Variants in RCAN2 observed in about 807,000 individuals in gnomAD.
The protein encoded by RCAN2 is regulator of calcineurin 2, also known as calcipressin-2.
A neutral mutation model predicts 23.6 loss-of-function variants in RCAN2; 9 were observed. The observed-to-expected ratio is 0.38, with a 90% CI of 0.23 to 0.67. RCAN2 has a LOEUF of 0.67. Among genes scored for constraint, RCAN2 ranks in the 30% least tolerant of loss-of-function variants. The pLI is 0.51. For missense variants in RCAN2, 273 were observed against 302.3 expected, an observed-to-expected ratio of 0.90 and a Z score of 0.72; for synonymous variants, 109 against 115.7, an observed-to-expected ratio of 0.94 and a Z score of 0.37.
rs567393077 is a variant in RCAN2 at position 46,486,236 on chromosome 6, G to T, written c.-3+4937C>A. On this transcript the variant is annotated intron_variant, in intron 1 of 4. Coordinates refer to ENST00000371374, the MANE Select transcript of RCAN2 (RefSeq NM_001251974.2). ...TGGCTTATTCCCCCTGATCCTCAGG[G>T]TGTGCTTTTCTGTAAATAGTGATGA... Among the ~76,000 whole-genome samples the T allele has an allele frequency of 9.2e-4, 140 of 152,308 alleles. 4 individuals carry two copies. The South Asian group carries it at 0.025, about 28-fold the overall frequency.
chr6:46,278,382 C>T (rs956082058), intron 2 of RCAN2, among the ~76,000 whole-genome samples: 1 of 152,082 alleles, frequency 6.6e-6, no homozygotes, highest in East Asian at 1.9e-4. Flanking sequence ...ATCCTTTACA[C>T]ACACACACAC....
chr6:46,249,608 C>T (rs1373492425), intron 2 of RCAN2, among the ~76,000 whole-genome samples: 28 of 152,122 alleles, frequency 1.8e-4, no homozygotes, highest in Non-Finnish European at 7.3e-5. Context: ...GCATGAGCCA[C>T]CATGCCAGGC....
chr6:46,435,165 T>A (rs1303099393), intron 2 of RCAN2, among the ~76,000 whole-genome samples: 3 of 152,238 alleles, frequency 2.0e-5, no homozygotes, highest in Admixed American at 6.5e-5. Context: ...AAGGTTACCA[T>A]GTATGCTATT....
At chr6:46,264,151 C>T (rs1341300960) in intron 2 of RCAN2, among the ~76,000 whole-genome samples, 1 of 152,120 alleles carries the variant, frequency 6.6e-6, no homozygotes, top group Non-Finnish European at 1.5e-5. Flanking sequence ...GAGGTGGAGG[C>T]TCTGTTTTAA....
chr6:46,311,061 C>A (rs1561853245), intron 2 of RCAN2, among the ~76,000 whole-genome samples: 1 of 152,140 alleles, frequency 6.6e-6, no homozygotes, highest in Non-Finnish European at 1.5e-5. Context: ...AGTTACAACA[C>A]CCTGAAGAGT....
intron 2 of RCAN2, among the ~76,000 whole-genome samples, chr6:46,263,955 C>T (rs1008695082): frequency 2.0e-5 from 3 of 152,200 alleles, no homozygotes; most frequent in African/African-American, 7.2e-5. Context: ...AGATGCTTCA[C>T]TGAATACATT....
intron 4 of RCAN2, among the ~76,000 whole-genome samples, chr6:46,246,187 G>C (rs567490088): frequency 6.6e-6 from 1 of 152,166 alleles, no homozygotes; most frequent in Non-Finnish European, 1.5e-5. Flanking sequence ...GCTATACTGC[G>C]TGAGAATGAG....
intron 4 of RCAN2, among the ~76,000 whole-genome samples, chr6:46,242,185 T>G (rs1766330024): frequency 6.6e-6 from 1 of 152,232 alleles, no homozygotes; most frequent in Non-Finnish European, 1.5e-5. Context: ...CCATTATAAC[T>G]GCACTGCTTT....
At chr6:46,458,896 C>CGCGCGCGCGCGCGT (rs57335093) in intron 1 of RCAN2, among the ~76,000 whole-genome samples, 17 of 150,036 alleles carry the variant, frequency 1.1e-4, no homozygotes, top group African/African-American at 4.0e-4. Flanking sequence ...CGCGCGCGCA[C>CGCGCGCGCGCGCGT]GTGTGTGTGT....
At chr6:46,247,723 A>G (rs1321500736) in intron 3 of RCAN2, among the ~76,000 whole-genome samples, 1 of 152,244 alleles carries the variant, frequency 6.6e-6, no homozygotes, top group East Asian at 1.9e-4. Context: ...TCATATGGAC[A>G]TACTATAATT....
intron 2 of RCAN2, among the ~76,000 whole-genome samples, chr6:46,284,350 T>G (rs1254068884): frequency 6.6e-6 from 1 of 152,120 alleles, no homozygotes; most frequent in Admixed American, 6.6e-5. Context: ...GCAAAGCTGG[T>G]GAATGATCCA....
At chr6:46,236,527 A>G (rs1435649502) in intron 4 of RCAN2, among the ~76,000 whole-genome samples, 1 of 151,906 alleles carries the variant, frequency 6.6e-6, no homozygotes, top group African/African-American at 2.4e-5. Flanking sequence ...TCCTCTAGCA[A>G]TGTGTTATAT....
At chr6:46,432,163 T>TA (rs1320051436) in intron 2 of RCAN2, among the ~76,000 whole-genome samples, 1 of 152,240 alleles carries the variant, frequency 6.6e-6, no homozygotes, top group Admixed American at 6.5e-5. Flanking sequence ...TTTACCATAA[T>TA]AACTATTTTG....
chr6:46,396,743 GTTTGT>G (rs1766099802), intron 2 of RCAN2, among the ~76,000 whole-genome samples: 1 of 152,016 alleles, frequency 6.6e-6, no homozygotes, highest in Non-Finnish European at 1.5e-5. Flanking sequence ...AAGTTTTTTT[GTTTGT>G]TTTAATGATT....
intron 2 of RCAN2, among the ~76,000 whole-genome samples, chr6:46,392,701 C>T (rs1000342780): frequency 6.6e-6 from 1 of 152,068 alleles, no homozygotes; most frequent in South Asian, 2.1e-4. Flanking sequence ...GATAATAATT[C>T]AATTAAAGGA....
intron 1 of RCAN2, among the ~76,000 whole-genome samples, chr6:46,462,432 C>T (rs529117058): frequency 5.9e-5 from 9 of 152,150 alleles, no homozygotes; most frequent in African/African-American, 1.9e-4. Flanking sequence ...TTCATTTTTT[C>T]GCAAACATGT....
At chr6:46,380,713 C>T (rs1020830972) in intron 2 of RCAN2, among the ~76,000 whole-genome samples, 1 of 152,186 alleles carries the variant, frequency 6.6e-6, no homozygotes, top group Middle Eastern at 3.2e-3. Context: ...AGCTATGACA[C>T]ATAATCTTTT....
At chr6:46,322,876 G>A (rs568285873) in intron 2 of RCAN2, among the ~76,000 whole-genome samples, 1 of 152,330 alleles carries the variant, frequency 6.6e-6, no homozygotes, top group Non-Finnish European at 1.5e-5. Context: ...CTTTCTTCGT[G>A]ATAAGAGTAA....
At chr6:46,325,527 G>A in intron 2 of RCAN2, 1 of 1,610,706 alleles carries the variant, frequency 6.2e-7, no homozygotes, top group South Asian at 1.1e-5. Flanking sequence ...TCAGAGTTGG[G>A]AGTGAAGGGA....
Sources: gnomAD v4.1 joint callset for allele counts (sites outside exome capture counted in the v4.1 genomes callset) on GRCh38, gnomAD v4.1.1 for gene constraint, MANE v1.5 for transcripts, NCBI Gene and HGNC (gene_info 2026-07-23, HGNC 2026-07-21) for gene names.